ZNF248: variants seen among roughly 807,000 people sequenced by gnomAD.
ZNF248 encodes the protein zinc finger protein 248, also known as KRAB protein domain.
A neutral mutation model predicts 44.3 loss-of-function variants in ZNF248; 20 were observed. That is an observed-to-expected ratio of 0.45 (90% CI 0.32 to 0.66). The LOEUF is 0.66. ZNF248 is among the 30% of genes least tolerant of loss of function. The pLI is 0.04. For synonymous variants in ZNF248, 224 were observed against 229.0 expected, an observed-to-expected ratio of 0.98 and a Z score of 0.20; for missense variants, 654 against 677.0, an observed-to-expected ratio of 0.97 and a Z score of 0.38.
At chr10:37,854,375 G>T (rs1202959170) in intron 3 of ZNF248, among the ~76,000 whole-genome samples, 1 of 152,028 alleles carries the variant, frequency 6.6e-6, no homozygotes, top group Non-Finnish European at 1.5e-5. Context: ...CACTGGGGGG[G>T]AAAAAAGACC....
intron 3 of ZNF248, among the ~76,000 whole-genome samples, chr10:37,848,558 G>C (rs1043165935): frequency 6.6e-6 from 1 of 151,258 alleles, no homozygotes; most frequent in Non-Finnish European, 1.5e-5. Flanking sequence ...ACTCCAGCCT[G>C]GGTGACAGAG....
chr10:37,816,349 C>T (rs148633718), intron 6 of ZNF248, among the ~76,000 whole-genome samples: 49 of 152,346 alleles, frequency 3.2e-4, no homozygotes, highest in African/African-American at 1.0e-3. Flanking sequence ...ATTTGCAGGA[C>T]AGGGTCCTTA....
intron 6 of ZNF248, chr10:37,819,876 C>G: frequency 1.3e-6 from 1 of 780,114 alleles, no homozygotes; most frequent in Non-Finnish European, 2.4e-6. Flanking sequence ...TTATCCTTTT[C>G]TGATGCTTGA....
chr10:37,762,035 T>C, the ZNF248 span, among the ~76,000 whole-genome samples: 1 of 152,228 alleles, frequency 6.6e-6, no homozygotes, highest in Non-Finnish European at 1.5e-5. Flanking sequence ...CTGTTAATCA[T>C]TATGAAATTG....
chr10:37,802,433 C>T (rs1374357333), intron 6 of ZNF248, among the ~76,000 whole-genome samples: 1 of 152,216 alleles, frequency 6.6e-6, no homozygotes, highest in Non-Finnish European at 1.5e-5. Flanking sequence ...CATGCTGACT[C>T]TGACAGGTCA....
chr10:37,835,414 G>T (rs899885648), intron 5 of ZNF248, among the ~76,000 whole-genome samples: 3 of 152,160 alleles, frequency 2.0e-5, no homozygotes, highest in Admixed American at 1.3e-4. Flanking sequence ...AGGCTCTCTG[G>T]TTTTTGTGTA....
At chr10:37,816,556 G>A (rs2052504785) in intron 6 of ZNF248, among the ~76,000 whole-genome samples, 1 of 152,194 alleles carries the variant, frequency 6.6e-6, no homozygotes, top group African/African-American at 2.4e-5. Context: ...CCTATTATTA[G>A]TTGTCTCTTT....
intron 3 of ZNF248, among the ~76,000 whole-genome samples, chr10:37,844,851 G>A (rs1286301501): frequency 6.6e-6 from 1 of 152,138 alleles, no homozygotes; most frequent in Non-Finnish European, 1.5e-5. Context: ...ACTGGCAGAA[G>A]TGAGTCCTTC....
chr10:37,823,026 G>C (rs909921208), intron 6 of ZNF248, among the ~76,000 whole-genome samples: 3 of 152,088 alleles, frequency 2.0e-5, no homozygotes, highest in Non-Finnish European at 4.4e-5. Flanking sequence ...AAAGTTTATT[G>C]AATGACAGCT....
Position 37,831,925 on chromosome 10 carries a change from G to T in ZNF248, c.1430C>A (p.Ser477Ter). 3 of 1,614,034 alleles carry T rather than the reference G, an allele frequency of 1.9e-6. No homozygotes were observed. Among genetic ancestry groups the T allele is most frequent in the Non-Finnish European group, 2.5e-6 (3 of 1,179,928 alleles). The stretch of plus-strand genomic sequence containing the variant: ...TGTTCTCTGATGCACAGTGAGGGCT[G>T]ATCTGTGGCAGAAGGATTTCCCACA... ...NACGKSFCHR[S>*]ALTVHQRTHT... is the part of the protein sequence containing the mutation. The change falls in exon 6 of 6, where the codon TCA (serine) becomes TAA (stop). Residue 477 changes from serine (S) to a stop codon, truncating the protein, a stop_gained. Transcript: ENST00000395867. LOFTEE classifies it high-confidence loss of function.
chr10:37,811,962 G>A (rs1053747563), intron 6 of ZNF248, among the ~76,000 whole-genome samples: 1 of 151,998 alleles, frequency 6.6e-6, no homozygotes, highest in Non-Finnish European at 1.5e-5. Context: ...AGGGTTTGGC[G>A]CAGTGGCTTA....
chr10:37,840,100 A>C (rs999145462), intron 3 of ZNF248, among the ~76,000 whole-genome samples: 1 of 152,372 alleles, frequency 6.6e-6, no homozygotes, highest in Admixed American at 6.5e-5. Context: ...AGGAAGTCTC[A>C]AAAGAAATTT....
chr10:37,772,428 G>T (rs1051664135), downstream of ZNF248, among the ~76,000 whole-genome samples: 1 of 152,126 alleles, frequency 6.6e-6, no homozygotes, highest in Non-Finnish European at 1.5e-5. Context: ...ACTCCAAGTG[G>T]GCAGTGTGCT....
At chr10:37,766,396 C>G in the ZNF248 span, among the ~76,000 whole-genome samples, 1 of 152,198 alleles carries the variant, frequency 6.6e-6, no homozygotes, top group African/African-American at 2.4e-5. Flanking sequence ...GCCGGGTACT[C>G]CTCTGAAACA....
chr10:37,768,253 A>G, the ZNF248 span, among the ~76,000 whole-genome samples: 1 of 152,198 alleles, frequency 6.6e-6, no homozygotes, highest in African/African-American at 2.4e-5. Flanking sequence ...CAGGAATTGA[A>G]CTCAGCTCTG....
intron 6 of ZNF248, among the ~76,000 whole-genome samples, chr10:37,823,395 C>G (rs1008798163): frequency 2.7e-5 from 2 of 75,026 alleles, no homozygotes. Context: ...CATTTTTTAA[C>G]AAAAAAATGA....
chr10:37,836,060 A>G (rs1325829160), intron 5 of ZNF248, among the ~76,000 whole-genome samples: 1 of 152,110 alleles, frequency 6.6e-6, no homozygotes, highest in Non-Finnish European at 1.5e-5. Context: ...AATTATTGGG[A>G]TCACACTTGA....
At chr10:37,842,647 C>T (rs544797972) in intron 3 of ZNF248, among the ~76,000 whole-genome samples, 1 of 152,240 alleles carries the variant, frequency 6.6e-6, no homozygotes, top group African/African-American at 2.4e-5. Flanking sequence ...TTTCACCTAA[C>T]TCAGAACTCA....
intron 6 of ZNF248, among the ~76,000 whole-genome samples, chr10:37,782,694 T>G (rs2047449247): frequency 6.6e-6 from 1 of 152,050 alleles, no homozygotes; most frequent in South Asian, 2.1e-4. Flanking sequence ...GGACACCATT[T>G]GATATGGAGG....
Sources: gnomAD v4.1 joint callset for allele counts (sites outside exome capture counted in the v4.1 genomes callset) on GRCh38, gnomAD v4.1.1 for gene constraint, MANE v1.5 for transcripts, NCBI Gene and HGNC (gene_info 2026-07-23, HGNC 2026-07-21) for gene names.